DNAH2: variants seen among roughly 807,000 people sequenced by gnomAD.
The protein encoded by DNAH2 is dynein axonemal heavy chain 2, also known as axonemal beta dynein heavy chain 2.
DNAH2 carries 323 observed loss-of-function variants against 523.5 expected under a neutral mutation model. That is an observed-to-expected ratio of 0.62 (90% CI 0.56 to 0.68). DNAH2 has a LOEUF of 0.68. DNAH2 is among the 30% of genes least tolerant of loss of function. The probability of loss-of-function intolerance (pLI) is 0.00; values close to 1 mark genes in which losing one functional copy is unlikely to be tolerated. For missense variants in DNAH2, 4,907 were observed against 5,701.5 expected (o/e 0.86, Z 4.49); for synonymous variants, 2,093 against 2,177.4 (o/e 0.96, Z 1.08).
At chr17:7,746,050 G>A (rs1274246510) in intron 12 of DNAH2, among the ~76,000 whole-genome samples, 4 of 152,174 alleles carry the variant, frequency 2.6e-5, no homozygotes, top group African/African-American at 4.8e-5. Context: ...GATGACTCAC[G>A]CAAAGGTCCT....
intron 4 of DNAH2, among the ~76,000 whole-genome samples, chr17:7,730,105 A>G (rs896805602): frequency 8.6e-5 from 13 of 151,772 alleles, no homozygotes; most frequent in Non-Finnish European, 1.5e-4. Context: ...GTTCTACCAC[A>G]ACTTAATAAG....
Position 7,768,152 on chromosome 17 carries a change from A to G in DNAH2, c.3838-12A>G, listed in dbSNP as rs1466468945. 5.6e-6 allele frequency: 9 copies of G among 1,614,196 alleles called. No homozygotes were observed. The highest frequency in any genetic ancestry group is 1.6e-4 in the Middle Eastern group (1 of 6,062). On this transcript the variant is annotated splice_polypyrimidine_tract_variant and intron_variant, in intron 23 of 85. Transcript: ENST00000572933. ...GTCGTCGGGTCTTCTCATGCCCCCA[A>G]CTTTTGCTCAGGACCGAAACTGGGA...
intron 56 of DNAH2, among the ~76,000 whole-genome samples, chr17:7,800,759 C>T (rs201892982): frequency 8.1e-5 from 12 of 148,976 alleles, no homozygotes; most frequent in Middle Eastern, 3.3e-3. Flanking sequence ...CCCAGCTACT[C>T]GGGAGGCTGA....
chr17:7,739,376 A>ATGTT (rs2075238976), intron 8 of DNAH2, among the ~76,000 whole-genome samples: 1 of 152,228 alleles, frequency 6.6e-6, no homozygotes, highest in Non-Finnish European at 1.5e-5. Context: ...ACTGCACTCC[A>ATGTT]GCCTGGGCAA....
In DNAH2 at chr17:7,833,182, C is replaced by T. The variant is rs772030132; in HGVS notation, c.13090C>T (p.His4364Tyr). The change falls in exon 85 of 86, where the codon CAC (histidine) becomes TAC (tyrosine). Residue 4364 changes from histidine (H) to tyrosine (Y), a missense_variant. By Grantham distance (83) the His-to-Tyr change is moderately conservative. Around this residue, in one of 3 missense-constraint regions of DNAH2, gnomAD observed 1,851 missense variants for 2,139.4 expected, o/e 0.87. Transcript: ENST00000572933. Reference sequence around the variant, plus strand: ...GCTTGTCTGCCTCATGCCCACGATCCACTTCCGGCCTGCAGAGAGCCGCAA... The same window carrying T: ...GCTTGTCTGCCTCATGCCCACGATCTACTTCCGGCCTGCAGAGAGCCGCAA... ...MQLVCLMPTI[H>Y]FRPAESRKKS... 2 of 1,608,832 alleles carry T rather than the reference C, an allele frequency of 1.2e-6. No individual in the cohort carries two copies. The highest frequency in any genetic ancestry group is 2.2e-5 in the South Asian group (2 of 91,072).
chr17:7,811,330 T>G (rs1325681859), intron 63 of DNAH2, among the ~76,000 whole-genome samples: 2 of 152,174 alleles, frequency 1.3e-5, no homozygotes, highest in Non-Finnish European at 2.9e-5. Flanking sequence ...AATAAATCCC[T>G]TTGCAAACTA....
chr17:7,751,898 GTCTT>G (rs2075691433), intron 12 of DNAH2, among the ~76,000 whole-genome samples: 1 of 148,480 alleles, frequency 6.7e-6, no homozygotes, highest in African/African-American at 2.5e-5. Flanking sequence ...ATGATTTTGA[GTCTT>G]TCCAAGAATA....
chr17:7,769,469 T>C (rs552700322), intron 24 of DNAH2, among the ~76,000 whole-genome samples: 1 of 152,360 alleles, frequency 6.6e-6, no homozygotes, highest in South Asian at 2.1e-4. Context: ...TCCCGCCTTA[T>C]GTCTTTTGTT....
intron 12 of DNAH2, among the ~76,000 whole-genome samples, chr17:7,744,440 G>A (rs2075456241): frequency 6.6e-6 from 1 of 152,118 alleles, no homozygotes; most frequent in South Asian, 2.1e-4. Context: ...CCAACCAGGG[G>A]AAGAGGGCAC....
In DNAH2 at chr17:7,768,029, C is replaced by G; in HGVS notation, c.3805C>G (p.Arg1269Gly). The G allele has an allele frequency of 6.2e-7, 1 of 1,614,126 alleles. No individual in the cohort carries two copies. Among genetic ancestry groups the G allele is most frequent in the Non-Finnish European group, 8.5e-7 (1 of 1,180,022 alleles). Residue 1269 changes from arginine to glycine, a missense_variant, in exon 23 of 86, where the codon CGT (arginine) becomes GGT (glycine). By Grantham distance (125) the Arg-to-Gly change is moderately radical. Around this residue, in one of 3 missense-constraint regions of DNAH2, gnomAD observed 2,806 missense variants for 3,190.8 expected, o/e 0.88. Transcript: ENST00000572933. ...GGAGACCACGGCCCACGGGCTGTTT[C>G]GTCGCCTCACAAAATTAGCCAAAGA... ...TMETTAHGLFRRLTKLAKEYK... is the reference protein window; with the variant it reads ...TMETTAHGLFGRLTKLAKEYK...
rs1651011782 is a variant in DNAH2, at chr17:7,832,163, G to A, written c.12726+388G>A. Among the ~76,000 whole-genome samples, 1 of 152,080 alleles carries A rather than the reference G, an allele frequency of 6.6e-6. No individual in the cohort carries two copies. The highest frequency in any genetic ancestry group is 2.4e-5 in the African/African-American group (1 of 41,398). On this transcript the variant is annotated intron_variant, in intron 82 of 85. Transcript: ENST00000572933. This position sits in a 1 kb window ranked among gnomAD's most constrained non-coding sequence, Gnocchi z 4.3. ...AGAGCTTTGTTCACCTGTAGTTGGGGAACAGGGGCTGCCACCACATAGTCT... is the reference window on the plus strand; with the variant it reads ...AGAGCTTTGTTCACCTGTAGTTGGGAAACAGGGGCTGCCACCACATAGTCT...
chr17:7,830,595 C>T lies in DNAH2; in HGVS notation c.12046-63C>T, dbSNP rs1268130158. The T allele has an allele frequency of 6.2e-6, 10 of 1,608,622 alleles. No individual in the cohort carries two copies. In the Admixed American group the frequency reaches 1.5e-4, roughly 24 times the overall value. ...CGTGGACACAAAGCCTGTGTTGAAG[C>T]CCCATTGGCAGATTTCCTGCCATAA... On this transcript the variant is annotated intron_variant, in intron 78 of 85. Transcript: ENST00000572933.
intron 33 of DNAH2, 138 bp downstream of exon 33, chr17:7,777,772 TC>T: frequency 9.1e-7 from 1 of 1,099,914 alleles, no homozygotes; most frequent in Non-Finnish European, 1.3e-6. Context: ...GGTTCTTCCT[TC>T]CATCTCCTCC....
intron 77 of DNAH2, among the ~76,000 whole-genome samples, chr17:7,827,837 C>A (rs1243143551): frequency 6.6e-6 from 1 of 152,090 alleles, no homozygotes; most frequent in Non-Finnish European, 1.5e-5. Flanking sequence ...GCCTGCTCAG[C>A]CTTCAATCAT....
At chr17:7,734,336 G>A (rs1276336862) in intron 6 of DNAH2, 43 bp downstream of exon 6, 7 of 1,606,864 alleles carry the variant, frequency 4.4e-6, no homozygotes, top group African/African-American at 1.3e-5. Flanking sequence ...GATCACAGGG[G>A]AGAGGGAAAG....
intron 3 of DNAH2, among the ~76,000 whole-genome samples, chr17:7,724,157 G>T (rs1196101550): frequency 2.0e-5 from 3 of 152,054 alleles, no homozygotes; most frequent in African/African-American, 7.2e-5. Flanking sequence ...TCAAAGCCTA[G>T]TCATGACCAT....
chr17:7,775,024 G>C (rs765332239), intron 29 of DNAH2, 48 bp downstream of exon 29: 32 of 1,584,374 alleles, frequency 2.0e-5, no homozygotes, highest in Non-Finnish European at 2.6e-5. Flanking sequence ...AAGGGAGGGT[G>C]TTGGGGTATG....
At chr17:7,815,631 C>T (rs932955334) in intron 63 of DNAH2, among the ~76,000 whole-genome samples, 7 of 138,996 alleles carry the variant, frequency 5.0e-5, no homozygotes, top group Non-Finnish European at 8.3e-5. Context: ...CACACATATA[C>T]GGGATCACAC....
chr17:7,804,474 G>A lies in DNAH2; in HGVS notation c.9183+8G>A. 1 of 1,612,054 alleles carries A rather than the reference G, an allele frequency of 6.2e-7. No homozygotes were observed. Among genetic ancestry groups the A allele is most frequent in the Non-Finnish European group, 8.5e-7 (1 of 1,179,686 alleles). On this transcript the variant is annotated splice_region_variant and intron_variant, in intron 59 of 85. Coordinates refer to ENST00000572933, the MANE Select transcript of DNAH2 (RefSeq NM_020877.5). ...GCAGATGAGCAGCAGAAGGTCCAGG[G>A]CCCACGCCCACCCCCCGTGCCCCAC... is the stretch of plus-strand genomic sequence containing the variant.
Sources: gnomAD v4.1 joint callset for allele counts (sites outside exome capture counted in the v4.1 genomes callset) on GRCh38, gnomAD v4.1.1 for gene constraint, gnomAD v4.1.1 regional missense constraint, Gnocchi (gnomAD v3.1) non-coding constraint, MANE v1.5 for transcripts, NCBI Gene and HGNC (gene_info 2026-07-23, HGNC 2026-07-21) for gene names.